Variants in CCDC146 observed in about 807,000 individuals in gnomAD.
CCDC146 encodes the protein coiled-coil domain containing 146.
In CCDC146, 92 loss-of-function variants were observed where a neutral mutation model predicts 119.3. The observed-to-expected ratio is 0.77, with a 90% confidence interval of 0.65 to 0.92. The LOEUF (loss-of-function observed/expected upper bound fraction) is 0.92, where lower values mean the gene tolerates loss of function less well. Ranked by LOEUF, CCDC146 falls within the 40% of genes least tolerant of loss-of-function variation. The pLI is 0.00. For missense variants in CCDC146, 1,000 were observed against 1,103.0 expected (o/e 0.91, Z 1.32); for synonymous variants, 372 against 371.8 (o/e 1.00, Z -0.01).
chr7:77,161,224 T>A (rs981498053), intron 1 of CCDC146, among the ~76,000 whole-genome samples: 1 of 152,172 alleles, frequency 6.6e-6, no homozygotes, highest in Non-Finnish European at 1.5e-5. Flanking sequence ...TGGAAGTCAG[T>A]GTGGTGATTC....
chr7:77,223,434 A>G (rs1792443768), intron 2 of CCDC146, among the ~76,000 whole-genome samples: 1 of 152,076 alleles, frequency 6.6e-6, no homozygotes, highest in South Asian at 2.1e-4. Flanking sequence ...CCTCCCCCTC[A>G]CATTCCTGTT....
At chr7:77,145,434 C>T (rs982358906) in intron 1 of CCDC146, among the ~76,000 whole-genome samples, 2 of 151,674 alleles carry the variant, frequency 1.3e-5, no homozygotes, top group African/African-American at 4.9e-5. Flanking sequence ...CTTCTCTGAT[C>T]TTAGTTATTT....
In CCDC146 at chr7:77,273,738, G is replaced by T. The variant is rs1405723125; in HGVS notation, c.1218G>T (p.Arg406Ser). The T allele has an allele frequency of 1.2e-6, 2 of 1,610,308 alleles. No individual in the cohort carries two copies. Among genetic ancestry groups the T allele is most frequent in the East Asian group, 2.2e-5 (1 of 44,754 alleles). ...PKDDSTLSER[R>S]RELHKEVEVA... is the part of the protein sequence containing the mutation. ...ATGATTCTACATTATCTGAGAGAAGGCGAGAGCTTCACAAGGAAGTTGAAG... is the reference window on the plus strand; with the variant it reads ...ATGATTCTACATTATCTGAGAGAAGTCGAGAGCTTCACAAGGAAGTTGAAG... Residue 406 changes from arginine to serine, a missense_variant, in exon 10 of 19, where the codon AGG becomes AGT. By Grantham distance (110) the Arg-to-Ser change is moderately radical. Transcript: ENST00000285871.
At chr7:77,271,052 G>GA (rs11294929) in intron 9 of CCDC146, among the ~76,000 whole-genome samples, 1,763 of 134,336 alleles carry the variant, frequency 0.013, 31 homozygotes, top group African/African-American at 0.037. Flanking sequence ...TGCAGCTCTG[G>GA]AAAAAAAAAA....
chr7:77,153,263 C>T (rs1791131773), intron 1 of CCDC146, among the ~76,000 whole-genome samples: 1 of 152,164 alleles, frequency 6.6e-6, no homozygotes. Flanking sequence ...TCCACAGTTC[C>T]TACTATCCAG....
At chr7:77,271,748 G>C (rs1158935815) in intron 9 of CCDC146, among the ~76,000 whole-genome samples, 1 of 151,424 alleles carries the variant, frequency 6.6e-6, no homozygotes, top group East Asian at 1.9e-4. Context: ...ATTTAAAATG[G>C]TATCAGAGAA....
At chr7:77,133,412 G>A (rs1314159278) in intron 1 of CCDC146, among the ~76,000 whole-genome samples, 1 of 152,032 alleles carries the variant, frequency 6.6e-6, no homozygotes, top group East Asian at 1.9e-4. Flanking sequence ...GTGCAGTGGT[G>A]TGATCTTGGC....
At chr7:77,223,439 C>A (rs1262046087) in intron 2 of CCDC146, among the ~76,000 whole-genome samples, 1 of 152,118 alleles carries the variant, frequency 6.6e-6, no homozygotes, top group Non-Finnish European at 1.5e-5. Flanking sequence ...CCCTCACATT[C>A]CTGTTGTGGC....
chr7:77,227,548 G>A (rs556506501), intron 2 of CCDC146, among the ~76,000 whole-genome samples: 4 of 152,208 alleles, frequency 2.6e-5, no homozygotes, highest in Admixed American at 6.5e-5. Flanking sequence ...CTCGTGATCC[G>A]CCTGCCTCAG....
In CCDC146 at chr7:77,254,486, T is replaced by C. The variant is rs753088459; in HGVS notation, c.450-20T>C. 7.3e-7 allele frequency: 1 copy of C among 1,376,738 alleles called. No individual in the cohort carries two copies. Among genetic ancestry groups the C allele is most frequent in the Non-Finnish European group, 1.0e-6 (1 of 987,744 alleles). 85.3% of individuals were successfully genotyped at this position (1,376,738 alleles called of 1,614,324 possible). ...CTTATTTCTTTGTACTTTTTCAAAC[T>C]TGATTTTTTTTTTTTGCAGCTTAAA... On this transcript the variant is annotated intron_variant, in intron 4 of 18. Transcript: ENST00000285871.
chr7:77,176,130 T>TAAA (rs1256606113), intron 2 of CCDC146, among the ~76,000 whole-genome samples: 1 of 151,134 alleles, frequency 6.6e-6, no homozygotes, highest in African/African-American at 2.5e-5. Context: ...TGGAATATCT[T>TAAA]CATGTAGATG....
At chr7:77,128,239 T>C (rs895467341) in intron 1 of CCDC146, among the ~76,000 whole-genome samples, 1 of 151,948 alleles carries the variant, frequency 6.6e-6, no homozygotes, top group Non-Finnish European at 1.5e-5. Flanking sequence ...GGAGTTCTCT[T>C]TTCTGAAAAT....
intron 1 of CCDC146, among the ~76,000 whole-genome samples, chr7:77,164,477 A>G (rs2117476863): frequency 6.6e-6 from 1 of 152,310 alleles, no homozygotes; most frequent in Non-Finnish European, 1.5e-5. Context: ...AAATGATACC[A>G]CTGGCTATTA....
chr7:77,154,717 G>A (rs538748890), intron 1 of CCDC146, among the ~76,000 whole-genome samples: 2 of 152,128 alleles, frequency 1.3e-5, no homozygotes, highest in South Asian at 4.2e-4. Flanking sequence ...ATGGACATTT[G>A]GGTTGGTGCA....
intron 2 of CCDC146, among the ~76,000 whole-genome samples, chr7:77,209,218 C>T (rs1792137004): frequency 6.6e-6 from 1 of 152,234 alleles, no homozygotes; most frequent in Admixed American, 6.5e-5. Flanking sequence ...TTCCAAGATA[C>T]ATGGGAGCAC....
At chr7:77,183,567 C>T (rs1445707658) in intron 2 of CCDC146, among the ~76,000 whole-genome samples, 1 of 152,128 alleles carries the variant, frequency 6.6e-6, no homozygotes, top group African/African-American at 2.4e-5. Context: ...TGTCTTTGCC[C>T]ATCCTGCACC....
At chr7:77,180,060 T>C (rs1331673571) in intron 2 of CCDC146, among the ~76,000 whole-genome samples, 1 of 151,974 alleles carries the variant, frequency 6.6e-6, no homozygotes, top group Non-Finnish European at 1.5e-5. Context: ...TGTATACATA[T>C]ATATACACAC....
rs1793978096 is a variant in CCDC146, at chr7:77,292,962, A to G, written c.2426A>G (p.Tyr809Cys). The change falls in exon 18 of 19, where the codon TAT becomes TGT. Residue 809 changes from tyrosine (Y) to cysteine (C), a missense_variant. Coordinates refer to ENST00000285871, the MANE Select transcript of CCDC146 (RefSeq NM_020879.3). ...TLLLAKKMNG[Y>C]QRRIKNATEK... ...GCTCTTTAATTCTAGATGAATGGCT[A>G]TCAAAGAAGGATCAAAAATGCAACT... The G allele has an allele frequency of 1.2e-6, 2 of 1,613,710 alleles. No individual in the cohort carries two copies. Among genetic ancestry groups the G allele is most frequent in the Non-Finnish European group, 1.7e-6 (2 of 1,179,970 alleles).
At chr7:77,135,185 G>A (rs778960106) in intron 1 of CCDC146, among the ~76,000 whole-genome samples, 1 of 152,138 alleles carries the variant, frequency 6.6e-6, no homozygotes, top group Non-Finnish European at 1.5e-5. Context: ...GAAGTGTTTT[G>A]AGTCTTTATT....
Sources: gnomAD v4.1 joint callset for allele counts (sites outside exome capture counted in the v4.1 genomes callset) on GRCh38, gnomAD v4.1.1 for gene constraint, MANE v1.5 for transcripts, NCBI Gene and HGNC (gene_info 2026-07-23, HGNC 2026-07-21) for gene names.